RAP1A: variants seen among roughly 807,000 people sequenced by gnomAD.
RAP1A encodes the protein RAP1A, member of RAS oncogene family.
Under a neutral mutation model 26.4 loss-of-function variants are expected in RAP1A, and 6 were observed. The observed-to-expected ratio is 0.23, with a 90% CI of 0.12 to 0.45. The LOEUF (loss-of-function observed/expected upper bound fraction) is 0.45. Ranked by LOEUF, RAP1A falls within the 20% of genes least tolerant of loss-of-function variation. The pLI is 0.99. For missense variants in RAP1A, 121 were observed against 217.2 expected, an observed-to-expected ratio of 0.56 and a Z score of 2.78; for synonymous variants, 73 against 79.4, an observed-to-expected ratio of 0.92 and a Z score of 0.43.
At chr1:111,704,094 C>A (rs1662108024) in intron 5 of RAP1A, among the ~76,000 whole-genome samples, 1 of 151,936 alleles carries the variant, frequency 6.6e-6, no homozygotes, top group African/African-American at 2.4e-5. Context: ...TTGTGCCTGG[C>A]CAGGATTATA....
At chr1:111,560,375 G>A (rs551435030) in intron 1 of RAP1A, among the ~76,000 whole-genome samples, 1 of 151,834 alleles carries the variant, frequency 6.6e-6, no homozygotes, top group Non-Finnish European at 1.5e-5. Context: ...TAAGGCAGGG[G>A]CTGATATTCA....
At chr1:111,581,934 A>T (rs1275345754) in intron 1 of RAP1A, among the ~76,000 whole-genome samples, 1 of 152,234 alleles carries the variant, frequency 6.6e-6, no homozygotes, top group Non-Finnish European at 1.5e-5. Context: ...GGTGAGTGAG[A>T]TATTAGCTCC....
intron 1 of RAP1A, among the ~76,000 whole-genome samples, chr1:111,658,598 A>G (rs533261808): frequency 6.6e-6 from 1 of 152,314 alleles, no homozygotes; most frequent in East Asian, 1.9e-4. Flanking sequence ...ACCTAGGCCT[A>G]CACTGGTTCA....
At chr1:111,614,967 G>A (rs1658988352), upstream of RAP1A, among the ~76,000 whole-genome samples, 1 of 152,070 alleles carries the variant, frequency 6.6e-6, no homozygotes, top group African/African-American at 2.4e-5. Context: ...TTCAGAGGAG[G>A]GCTCCACTTA....
At chr1:111,574,496 G>A (rs1286433361) in intron 1 of RAP1A, among the ~76,000 whole-genome samples, 2 of 152,340 alleles carry the variant, frequency 1.3e-5, no homozygotes, top group Middle Eastern at 3.4e-3. Context: ...TGTGAAGAAT[G>A]TCACTGGTAG....
intron 1 of RAP1A, among the ~76,000 whole-genome samples, chr1:111,633,410 G>T (rs1192982733): frequency 6.6e-6 from 1 of 152,196 alleles, no homozygotes; most frequent in Non-Finnish European, 1.5e-5. Flanking sequence ...ATAAAAACTA[G>T]TGTGATTATT....
intron 1 of RAP1A, among the ~76,000 whole-genome samples, chr1:111,664,738 T>C (rs768687521): frequency 4.6e-5 from 7 of 152,226 alleles, no homozygotes; most frequent in African/African-American, 7.2e-5. Flanking sequence ...GCATGTTAGA[T>C]TGTGAACCCT....
In RAP1A at chr1:111,665,759, A is replaced by G. The variant is rs539015524; in HGVS notation, c.-27-25575A>G. Among the ~76,000 whole-genome samples, 8 of 152,310 alleles carry G rather than the reference A, an allele frequency of 5.3e-5. No individual in the cohort carries two copies. In the South Asian group the frequency reaches 1.7e-3, roughly 32 times the overall value. On this transcript the variant is annotated intron_variant, in intron 1 of 7. Transcript: ENST00000369709. ...CATGTAGTTCCTAAAGGCACAGAGTATAGGATATTTTTGGATACTGTGATA... is the reference window on the plus strand; with the variant it reads ...CATGTAGTTCCTAAAGGCACAGAGTGTAGGATATTTTTGGATACTGTGATA...
Position 111,636,120 on chromosome 1 carries a change from T to G in RAP1A, c.-28+16186T>G, listed in dbSNP as rs150283371. 8.7e-4 allele frequency among the ~76,000 whole-genome samples: 132 copies of G among 152,238 alleles called. 2 individuals are homozygous for G. The highest frequency in any genetic ancestry group is 3.0e-3 in the African/African-American group (123 of 41,480). ...AATCTGGTATAGGCAAAATTTTGAA[T>G]TCAAGGCTGATGTGCTGAACAAGTC... On this transcript the variant is annotated intron_variant, in intron 1 of 7. Transcript: ENST00000369709.
At chr1:111,660,220 T>C (rs1344172995) in intron 1 of RAP1A, among the ~76,000 whole-genome samples, 2 of 152,206 alleles carry the variant, frequency 1.3e-5, no homozygotes, top group Non-Finnish European at 2.9e-5. Context: ...ACTTTAAATA[T>C]TTTACTTCAC....
At chr1:111,607,826 C>A (rs1364299305) in intron 1 of RAP1A, among the ~76,000 whole-genome samples, 1 of 118,182 alleles carries the variant, frequency 8.5e-6, no homozygotes, top group Non-Finnish European at 1.8e-5. Context: ...GGCTGACCCC[C>A]CCACCTCCCT....
intron 1 of RAP1A, among the ~76,000 whole-genome samples, chr1:111,577,882 C>A (rs1414220913): frequency 6.6e-6 from 1 of 152,162 alleles, no homozygotes; most frequent in Admixed American, 6.5e-5. Context: ...ATCCTAAAGT[C>A]TACTACACTG....
chr1:111,570,161 G>A (rs916168949), intron 1 of RAP1A, among the ~76,000 whole-genome samples: 8 of 152,222 alleles, frequency 5.3e-5, no homozygotes, highest in South Asian at 2.1e-4. Flanking sequence ...CCATGCCAGC[G>A]TCATGATTGG....
At chr1:111,643,149 A>G (rs1336585385) in intron 1 of RAP1A, among the ~76,000 whole-genome samples, 1 of 152,028 alleles carries the variant, frequency 6.6e-6, no homozygotes, top group African/African-American at 2.4e-5. Flanking sequence ...CAGATATTCA[A>G]CTCTGCTGTT....
chr1:111,596,804 A>G (rs1162173053), intron 1 of RAP1A, among the ~76,000 whole-genome samples: 2 of 152,168 alleles, frequency 1.3e-5, no homozygotes, highest in Non-Finnish European at 2.9e-5. Context: ...CATAGCACTA[A>G]TTCTCCTCTT....
chr1:111,562,883 C>T (rs969345876), intron 1 of RAP1A, among the ~76,000 whole-genome samples: 10 of 152,240 alleles, frequency 6.6e-5, no homozygotes, highest in African/African-American at 2.4e-4. Context: ...CAAGTAGATG[C>T]TTAGCCTTGT....
chr1:111,642,267 TTAAAA>T (rs1215354014), intron 1 of RAP1A, among the ~76,000 whole-genome samples: 1 of 151,692 alleles, frequency 6.6e-6, no homozygotes, highest in African/African-American at 2.4e-5. Context: ...TTAAATTAAA[TTAAAA>T]TAAAGGGACA....
At chr1:111,568,641 A>C (rs573323254) in intron 1 of RAP1A, among the ~76,000 whole-genome samples, 1 of 152,288 alleles carries the variant, frequency 6.6e-6, no homozygotes, top group South Asian at 2.1e-4. Flanking sequence ...ATAATGCTGA[A>C]AGAGTTCTGG....
At chr1:111,551,892 G>A (rs191574901) in intron 1 of RAP1A, among the ~76,000 whole-genome samples, 1 of 152,158 alleles carries the variant, frequency 6.6e-6, no homozygotes, top group Admixed American at 6.5e-5. Context: ...GTAAACTAGA[G>A]GGGAGAAATC....
Sources: allele counts gnomAD v4.1 joint callset (sites outside exome capture counted in the v4.1 genomes callset), GRCh38; gene constraint gnomAD v4.1.1; transcripts MANE v1.5; gene names NCBI Gene and HGNC (gene_info 2026-07-23, HGNC 2026-07-21).